The following CNTNAP5 variants were observed in gnomAD, a reference collection of about 807,000 sequenced individuals.
CNTNAP5 encodes contactin associated protein family member 5, also known as contactin-associated protein-like 5.
A neutral mutation model predicts 150.2 loss-of-function variants in CNTNAP5; 72 were observed. The ratio of observed to expected loss-of-function variants is 0.48; its 90% CI spans 0.40 to 0.58. CNTNAP5 has a LOEUF of 0.58. Among genes scored for constraint, CNTNAP5 ranks in the 20% least tolerant of loss-of-function variants. CNTNAP5 has a pLI of 0.00. For synonymous variants in CNTNAP5, 672 were observed against 619.8 expected, an observed-to-expected ratio of 1.08 and a Z score of -1.25; for missense variants, 1,636 against 1,626.2, an observed-to-expected ratio of 1.01 and a Z score of -0.10.
chr2:124,032,289 G>A (rs1239807744), intron 1 of CNTNAP5, among the ~76,000 whole-genome samples: 5 of 152,068 alleles, frequency 3.3e-5, no homozygotes, highest in Non-Finnish European at 7.4e-5. Flanking sequence ...TGGGAGGGGG[G>A]CAGTTATTAC....
At chr2:124,333,695 G>A (rs1689404769) in intron 3 of CNTNAP5, among the ~76,000 whole-genome samples, 1 of 151,988 alleles carries the variant, frequency 6.6e-6, no homozygotes, top group African/African-American at 2.4e-5. Context: ...TTCATTTTTT[G>A]TTTCTTAACT....
At chr2:124,473,532 T>A (rs1466256447) in intron 6 of CNTNAP5, among the ~76,000 whole-genome samples, 1 of 151,976 alleles carries the variant, frequency 6.6e-6, no homozygotes, top group Admixed American at 6.6e-5. Flanking sequence ...TGTAAAAAAA[T>A]CTAAAAATAG....
At chr2:124,384,241 G>A (rs1003686451) in intron 3 of CNTNAP5, among the ~76,000 whole-genome samples, 5 of 152,266 alleles carry the variant, frequency 3.3e-5, no homozygotes, top group Admixed American at 6.5e-5. Flanking sequence ...CTGCAGAAGC[G>A]TGAGGATCCT....
intron 3 of CNTNAP5, among the ~76,000 whole-genome samples, chr2:124,316,913 C>T (rs75668240): frequency 0.013 from 1,890 of 150,368 alleles, 39 homozygotes; most frequent in African/African-American, 0.041. Context: ...AAAAACTTGA[C>T]TTTCATGGTC....
chr2:124,787,349 A>G (rs1681620963), intron 17 of CNTNAP5, among the ~76,000 whole-genome samples: 1 of 152,172 alleles, frequency 6.6e-6, no homozygotes, highest in South Asian at 2.1e-4. Flanking sequence ...TTGTGTTTAT[A>G]ATTGATTTAT....
At chr2:124,203,442 C>T (rs1432590197) in intron 1 of CNTNAP5, among the ~76,000 whole-genome samples, 1 of 152,182 alleles carries the variant, frequency 6.6e-6, no homozygotes, top group Non-Finnish European at 1.5e-5. Flanking sequence ...GAAGGTAGCC[C>T]TTTCCTCACA....
At chr2:124,540,334 C>A (rs1173593449) in intron 10 of CNTNAP5, among the ~76,000 whole-genome samples, 7 of 152,124 alleles carry the variant, frequency 4.6e-5, no homozygotes, top group African/African-American at 1.7e-4. Flanking sequence ...TTGTAAAACC[C>A]TATACTCTGA....
chr2:124,412,136 C>CA (rs1408112487), intron 3 of CNTNAP5, among the ~76,000 whole-genome samples: 1 of 130,640 alleles, frequency 7.7e-6, no homozygotes, highest in African/African-American at 2.6e-5. Context: ...ACAATTGCCT[C>CA]AAAGAGAATA....
At chr2:124,835,550 G>C (rs1260064079) in intron 19 of CNTNAP5, among the ~76,000 whole-genome samples, 1 of 152,142 alleles carries the variant, frequency 6.6e-6, no homozygotes, top group Non-Finnish European at 1.5e-5. Flanking sequence ...CCATGCCAGA[G>C]AGTTTGACGT....
chr2:124,409,704 C>A (rs12089626), intron 3 of CNTNAP5, among the ~76,000 whole-genome samples: 46,785 of 141,160 alleles, frequency 0.33, 8,464 homozygotes, highest in African/African-American at 0.55. Context: ...ACCAGGCCTG[C>A]CCTAAAAGAG....
At chr2:124,454,932 A>G (rs1693083113) in intron 6 of CNTNAP5, among the ~76,000 whole-genome samples, 1 of 152,152 alleles carries the variant, frequency 6.6e-6, no homozygotes, top group South Asian at 2.1e-4. Context: ...AAACAACTAC[A>G]TCAAAAAGTC....
intron 13 of CNTNAP5, among the ~76,000 whole-genome samples, chr2:124,711,504 A>C (rs1679807255): frequency 6.6e-6 from 1 of 152,106 alleles, no homozygotes; most frequent in Admixed American, 6.6e-5. Flanking sequence ...GTAACAGTGA[A>C]GATGCTTTCG....
At chr2:124,041,205 G>T (rs1455324104) in intron 1 of CNTNAP5, among the ~76,000 whole-genome samples, 1 of 152,192 alleles carries the variant, frequency 6.6e-6, no homozygotes, top group Non-Finnish European at 1.5e-5. Flanking sequence ...TCTCACCCTT[G>T]TTGATACATT....
At position 124,113,457 on chromosome 2, in the gene CNTNAP5, T is replaced by C. The variant is rs544039568; in HGVS notation, c.82+87725T>C. On this transcript the variant is annotated intron_variant, in intron 1 of 23. Transcript: ENST00000682447. ...TGTTCAAGTCTTTCGCCCACTTTTT[T>C]CTATTTGAATGTCTATATTGTATAT... 3.3e-5 allele frequency among the ~76,000 whole-genome samples: 5 copies of C among 152,070 alleles called. No individual in the cohort carries two copies. In the South Asian group the frequency reaches 1.0e-3, roughly 32 times the overall value.
chr2:124,595,198 G>A (rs1046331999), intron 11 of CNTNAP5, among the ~76,000 whole-genome samples: 8 of 140,334 alleles, frequency 5.7e-5, no homozygotes, highest in African/African-American at 1.8e-4. Context: ...GTGAGAGAGG[G>A]CATCCCTGTC....
intron 19 of CNTNAP5, among the ~76,000 whole-genome samples, chr2:124,848,193 G>A (rs1333744640): frequency 6.6e-6 from 1 of 152,078 alleles, no homozygotes; most frequent in East Asian, 1.9e-4. Flanking sequence ...CCAAACCCCA[G>A]TCCCTGGAAA....
chr2:124,372,332 CT>C (rs1558872560), intron 3 of CNTNAP5, among the ~76,000 whole-genome samples: 1 of 152,118 alleles, frequency 6.6e-6, no homozygotes, highest in East Asian at 1.9e-4. Context: ...ATGCTACCAG[CT>C]TTTTTTGTTC....
chr2:124,739,417 A>G (rs1431575440), intron 13 of CNTNAP5, among the ~76,000 whole-genome samples: 1 of 152,186 alleles, frequency 6.6e-6, no homozygotes. Context: ...GAAAGAGCAT[A>G]TAAAACACTT....
At chr2:124,104,762 C>A (rs1683138677) in intron 1 of CNTNAP5, among the ~76,000 whole-genome samples, 2 of 152,166 alleles carry the variant, frequency 1.3e-5, no homozygotes, top group Non-Finnish European at 2.9e-5. Flanking sequence ...ACACACAATT[C>A]TCCTGGCCCA....
Sources: gnomAD v4.1 joint callset for allele counts (sites outside exome capture counted in the v4.1 genomes callset) on GRCh38, gnomAD v4.1.1 for gene constraint, MANE v1.5 for transcripts, NCBI Gene and HGNC (gene_info 2026-07-23, HGNC 2026-07-21) for gene names.